Variants in FMO3 observed in about 807,000 individuals in gnomAD.
FMO3 encodes the protein flavin containing dimethylaniline monoxygenase 3.
In FMO3, 40 loss-of-function variants were observed where a neutral mutation model predicts 39.4. The ratio of observed to expected loss-of-function variants is 1.02; its 90% CI spans 0.79 to 1.32. FMO3 has a LOEUF of 1.32. FMO3 is among the 40% of genes most tolerant of loss of function. The pLI, the probability that FMO3 is intolerant of heterozygous loss-of-function variation, is 0.00. For synonymous variants in FMO3, 219 were observed against 228.8 expected, an observed-to-expected ratio of 0.96 and a Z score of 0.39; for missense variants, 680 against 651.8, an observed-to-expected ratio of 1.04 and a Z score of -0.47.
intron 2 of FMO3, among the ~76,000 whole-genome samples, chr1:171,096,094 TTTTTATATAATTAATTATTATA>T (rs1655016761): frequency 9.5e-5 from 7 of 74,032 alleles, no homozygotes; most frequent in African/African-American, 4.0e-4. Flanking sequence ...TATATTAATA[TTTTTATATAATTAATTATTATA>T]TATTAATAAT....
intron 7 of FMO3, among the ~76,000 whole-genome samples, chr1:171,115,580 T>C (rs1656111008): frequency 6.6e-6 from 1 of 152,210 alleles, no homozygotes; most frequent in African/African-American, 2.4e-5. Context: ...ATACCAAGAT[T>C]ACCAAAGAAA....
chr1:171,102,853 G>T (rs1484973534), intron 2 of FMO3, among the ~76,000 whole-genome samples: 1 of 152,056 alleles, frequency 6.6e-6, no homozygotes, highest in African/African-American at 2.4e-5. Context: ...TAGAGTTAAA[G>T]AAAATTCAGA....
chr1:171,096,730 AT>A (rs1655102846), intron 2 of FMO3, among the ~76,000 whole-genome samples: 1 of 127,994 alleles, frequency 7.8e-6, no homozygotes, highest in Non-Finnish European at 1.6e-5. Flanking sequence ...TATATTAAAA[AT>A]ATATATAATT....
chr1:171,101,069 A>T (rs1045239455), intron 2 of FMO3: 32 of 455,852 alleles, frequency 7.0e-5, no homozygotes, highest in African/African-American at 6.2e-4. Flanking sequence ...TCTATCTTTG[A>T]TGATGGCCAG....
At chr1:171,096,794 A>AAT (rs1655113305) in intron 2 of FMO3, among the ~76,000 whole-genome samples, 2 of 143,930 alleles carry the variant, frequency 1.4e-5, no homozygotes, top group South Asian at 4.2e-4. Context: ...AAAAATATAT[A>AAT]TATTTGTAAT....
chr1:171,104,111 G>A (rs28363537), intron 3 of FMO3, 138 bp downstream of exon 3: 115,286 of 715,468 alleles, frequency 0.16, 10,838 homozygotes, highest in Non-Finnish European at 0.19. Flanking sequence ...CTAACTCTAG[G>A]TTTAGAGAAT....
At chr1:171,107,537 C>G (rs1290778982) in intron 3 of FMO3, 138 bp from the exon 4 acceptor site, 1 of 696,436 alleles carries the variant, frequency 1.4e-6, no homozygotes, top group Non-Finnish European at 2.5e-6. Flanking sequence ...TTGATTTATT[C>G]TGAGGGAATT....
Position 171,117,317 on chromosome 1 carries a change from C to A in FMO3, c.1474C>A (p.Arg492=). 2 of 1,614,000 alleles carry A rather than the reference C, an allele frequency of 1.2e-6. No individual in the cohort carries two copies. Among genetic ancestry groups the A allele is most frequent in the Non-Finnish European group, 1.7e-6 (2 of 1,179,888 alleles). Residue 492 remains arginine, a synonymous_variant, in exon 9 of 9, where the codon CGG becomes AGG. Coordinates refer to ENST00000367755, the MANE Select transcript of FMO3 (RefSeq NM_001002294.3). ...AAATGCCATACTGACCCAGTGGGAC[C>A]GGTCGTTGAAACCCATGCAGACACG... ...ARNAILTQWD[R]SLKPMQTRVV...
chr1:171,116,537 C>T (rs17564980), intron 8 of FMO3, among the ~76,000 whole-genome samples: 21,913 of 152,160 alleles, frequency 0.14, 1,988 homozygotes, highest in Non-Finnish European at 0.2. Flanking sequence ...TTTTAGCCCT[C>T]CATGCCTCCT....
intron 5 of FMO3, among the ~76,000 whole-genome samples, 154 bp downstream of exon 5, chr1:171,108,375 G>C (rs1355815356): frequency 6.6e-6 from 1 of 152,170 alleles, no homozygotes; most frequent in Non-Finnish European, 1.5e-5. Context: ...CAAGTAACAG[G>C]TGAGGTTTTA....
intron 7 of FMO3, among the ~76,000 whole-genome samples, chr1:171,114,947 A>G (rs1571227003): frequency 6.6e-6 from 1 of 152,332 alleles, no homozygotes; most frequent in African/African-American, 2.4e-5. Context: ...TCAGTCTGTA[A>G]TACATAAGAA....
chr1:171,115,567 T>A (rs1440260688), intron 7 of FMO3, among the ~76,000 whole-genome samples: 1 of 152,188 alleles, frequency 6.6e-6, no homozygotes, highest in East Asian at 1.9e-4. Flanking sequence ...CTCTTTCAAG[T>A]TGATACCAAG....
chr1:171,092,551 G>C, intron 1 of FMO3, 102 bp from the exon 2 acceptor site: 1 of 1,416,726 alleles, frequency 7.1e-7, no homozygotes, highest in Admixed American at 1.7e-5. Context: ...AAAAAGTAAA[G>C]TTTTTATTAA....
At chr1:171,108,332 G>A (rs1374729354) in intron 5 of FMO3, 111 bp downstream of exon 5, 11 of 1,307,972 alleles carry the variant, frequency 8.4e-6, no homozygotes, top group African/African-American at 1.5e-5. Flanking sequence ...CTGATGTAAA[G>A]ACTAAGTGGT....
chr1:171,104,906 C>T (rs995848180), intron 3 of FMO3, among the ~76,000 whole-genome samples: 1 of 151,698 alleles, frequency 6.6e-6, no homozygotes, highest in Non-Finnish European at 1.5e-5. Context: ...AGATAAAAAG[C>T]TGGCAGTGTA....
chr1:171,107,633 G>A, intron 3 of FMO3, 42 bp from the exon 4 acceptor site: 3 of 1,563,196 alleles, frequency 1.9e-6, no homozygotes, highest in Middle Eastern at 1.7e-4. Context: ...AAAACCATTT[G>A]CTAGCATAGA....
chr1:171,109,003 A>G (rs1655777040), intron 5 of FMO3, among the ~76,000 whole-genome samples: 1 of 152,134 alleles, frequency 6.6e-6, no homozygotes. Context: ...AGCATTGTAT[A>G]TTTTACTATT....
At chr1:171,092,933 G>C (rs1178945744) in intron 2 of FMO3, 143 bp downstream of exon 2, 15 of 916,842 alleles carry the variant, frequency 1.6e-5, no homozygotes, top group Non-Finnish European at 2.5e-5. Context: ...ACAGTGTCAA[G>C]AGCAGGTTGG....
chr1:171,092,686 G>C lies in FMO3; in HGVS notation c.28G>C (p.Ala10Pro). Residue 10 changes from alanine (A) to proline (P), a missense_variant, in exon 2 of 9, where the codon GCT becomes CCT. Physicochemically the swap from Ala to Pro is conservative, Grantham distance 27. Coordinates refer to ENST00000367755, the MANE Select transcript of FMO3 (RefSeq NM_001002294.3). The part of the protein sequence containing the change: MGKKVAIIG[A>P]GVSGLASIRS... ...GGGGAAGAAAGTGGCCATCATTGGA[G>C]CTGGTGTGAGTGGCTTGGCCTCCAT... The C allele has an allele frequency of 6.2e-7, 1 of 1,614,154 alleles. No individual in the cohort carries two copies. Among genetic ancestry groups the C allele is most frequent in the Non-Finnish European group, 8.5e-7 (1 of 1,180,014 alleles).
Sources: allele counts gnomAD v4.1 joint callset (sites outside exome capture counted in the v4.1 genomes callset), GRCh38; gene constraint gnomAD v4.1.1; transcripts MANE v1.5; gene names NCBI Gene and HGNC (gene_info 2026-07-23, HGNC 2026-07-21).